Variants in MACROD2 observed in about 807,000 individuals in gnomAD.
MACROD2 encodes the protein ADP-ribose glycohydrolase MACROD2.
In MACROD2, 36 loss-of-function variants were observed where a neutral mutation model predicts 70.4. The observed-to-expected ratio is 0.51, with a 90% CI of 0.39 to 0.68. The LOEUF (loss-of-function observed/expected upper bound fraction) is 0.68, where lower values mean the gene tolerates loss of function less well. MACROD2 is among the 30% of genes least tolerant of loss of function. The pLI, the probability that MACROD2 is intolerant of heterozygous loss-of-function variation, is 0.00. For missense variants in MACROD2, 496 were observed against 538.4 expected (o/e 0.92, Z 0.78); for synonymous variants, 172 against 178.8 (o/e 0.96, Z 0.30).
intron 4 of MACROD2, among the ~76,000 whole-genome samples, chr20:14,572,145 G>C (rs1291021073): frequency 6.6e-6 from 1 of 151,922 alleles, no homozygotes; most frequent in African/African-American, 2.4e-5. Flanking sequence ...GGAACACTAA[G>C]GTATATATAT....
intron 6 of MACROD2, among the ~76,000 whole-genome samples, chr20:15,355,026 A>G (rs1402250764): frequency 6.6e-6 from 1 of 152,234 alleles, no homozygotes; most frequent in East Asian, 1.9e-4. Flanking sequence ...TTAGACACAG[A>G]CAGTTTAAGT....
At chr20:14,517,882 C>G (rs908389734) in intron 4 of MACROD2, among the ~76,000 whole-genome samples, 1 of 151,764 alleles carries the variant, frequency 6.6e-6, no homozygotes, top group Non-Finnish European at 1.5e-5. Flanking sequence ...AATATTTTGT[C>G]TATTCCAGTA....
chr20:15,337,333 C>A (rs756347142), intron 6 of MACROD2, among the ~76,000 whole-genome samples: 1 of 151,536 alleles, frequency 6.6e-6, no homozygotes, highest in Non-Finnish European at 1.5e-5. Flanking sequence ...GGGCAAAAGG[C>A]TAGTAGGGCC....
chr20:15,896,560 A>G (rs907987973), intron 10 of MACROD2, among the ~76,000 whole-genome samples: 1 of 151,624 alleles, frequency 6.6e-6, no homozygotes, highest in Non-Finnish European at 1.5e-5. Context: ...TCTAGAAAAA[A>G]CACAGCTTCT....
At chr20:15,655,468 GGT>G (rs140839337) in intron 8 of MACROD2, among the ~76,000 whole-genome samples, 1,707 of 152,110 alleles carry the variant, frequency 0.011, 19 homozygotes, top group Middle Eastern at 0.024. Context: ...AGTGGTTTGG[GGT>G]TTAGGTGTGG....
At chr20:15,357,798 CTTTT>C (rs200860242) in intron 6 of MACROD2, among the ~76,000 whole-genome samples, 2 of 135,636 alleles carry the variant, frequency 1.5e-5, no homozygotes, top group Non-Finnish European at 3.2e-5. Flanking sequence ...TTCATTCATT[CTTTT>C]TTTTTTTTTT....
At chr20:15,112,354 G>T (rs1568579602) in intron 5 of MACROD2, among the ~76,000 whole-genome samples, 1 of 152,112 alleles carries the variant, frequency 6.6e-6, no homozygotes, top group Non-Finnish European at 1.5e-5. Flanking sequence ...TTTGATGAAG[G>T]CTGGGCCTCT....
intron 8 of MACROD2, among the ~76,000 whole-genome samples, chr20:15,606,624 C>T (rs549478538): frequency 1.3e-5 from 2 of 152,144 alleles, no homozygotes; most frequent in African/African-American, 2.4e-5. Context: ...CATGAAGCTA[C>T]AAGTATATGC....
chr20:14,192,173 T>C (rs979766765), intron 3 of MACROD2, among the ~76,000 whole-genome samples: 1 of 152,210 alleles, frequency 6.6e-6, no homozygotes, highest in Admixed American at 6.5e-5. Context: ...TCTTCTTCTT[T>C]GGGATTATCT....
intron 3 of MACROD2, among the ~76,000 whole-genome samples, chr20:14,196,137 C>T (rs2081430321): frequency 6.6e-6 from 1 of 152,144 alleles, no homozygotes; most frequent in South Asian, 2.1e-4. Flanking sequence ...TGAGCCACAC[C>T]CCCATCACAC....
chr20:14,087,626 A>G (rs1190566391), intron 3 of MACROD2, among the ~76,000 whole-genome samples: 1 of 152,126 alleles, frequency 6.6e-6, no homozygotes, highest in Non-Finnish European at 1.5e-5. Flanking sequence ...CTCATAGGGT[A>G]CAGGTCTCTC....
intron 4 of MACROD2, among the ~76,000 whole-genome samples, chr20:14,642,014 A>G (rs1237531399): frequency 6.6e-6 from 1 of 152,196 alleles, no homozygotes; most frequent in Non-Finnish European, 1.5e-5. Flanking sequence ...TTCTTCCAAT[A>G]GAAGGCTGTT....
At chr20:14,879,580 A>G (rs937795077) in intron 5 of MACROD2, among the ~76,000 whole-genome samples, 5 of 152,202 alleles carry the variant, frequency 3.3e-5, no homozygotes, top group Non-Finnish European at 5.9e-5. Context: ...TTGAGAGAAG[A>G]TGAGACATAA....
At chr20:14,915,991 C>A (rs182640374) in intron 5 of MACROD2, among the ~76,000 whole-genome samples, 1 of 152,102 alleles carries the variant, frequency 6.6e-6, no homozygotes, top group Non-Finnish European at 1.5e-5. Context: ...TTCTCAATTT[C>A]GGACTTATTT....
At chr20:15,136,676 C>A (rs1370508291) in intron 5 of MACROD2, among the ~76,000 whole-genome samples, 1 of 151,676 alleles carries the variant, frequency 6.6e-6, no homozygotes, top group Non-Finnish European at 1.5e-5. Context: ...TCTAAAACAC[C>A]AAAAGCAATG....
At chr20:15,161,001 A>C (rs970715400) in intron 5 of MACROD2, among the ~76,000 whole-genome samples, 2 of 152,114 alleles carry the variant, frequency 1.3e-5, no homozygotes, top group African/African-American at 4.8e-5. Flanking sequence ...GTGCATGCAC[A>C]CTGTTATACA....
chr20:15,392,340 G>T (rs1290531957), intron 6 of MACROD2, among the ~76,000 whole-genome samples: 1 of 152,130 alleles, frequency 6.6e-6, no homozygotes, highest in African/African-American at 2.4e-5. Context: ...AATATTCAGT[G>T]TTTGAATATG....
At chr20:14,275,503 C>G (rs1327488675) in intron 3 of MACROD2, among the ~76,000 whole-genome samples, 1 of 150,416 alleles carries the variant, frequency 6.6e-6, no homozygotes, top group Non-Finnish European at 1.5e-5. Context: ...AAGACTTAAA[C>G]GTTAGACCTA....
At chr20:14,915,454 A>G (rs891863197) in intron 5 of MACROD2, among the ~76,000 whole-genome samples, 1 of 152,220 alleles carries the variant, frequency 6.6e-6, no homozygotes, top group African/African-American at 2.4e-5. Flanking sequence ...ATTAAGCTCA[A>G]GCTCAGCCCT....
Sources: gnomAD v4.1 joint callset for allele counts (sites outside exome capture counted in the v4.1 genomes callset) on GRCh38, gnomAD v4.1.1 for gene constraint, MANE v1.5 for transcripts, NCBI Gene and HGNC (gene_info 2026-07-23, HGNC 2026-07-21) for gene names.